Variants in ANO3 observed in about 807,000 individuals in gnomAD.
ANO3 encodes anoctamin 3.
In ANO3, 99 loss-of-function variants were observed where a neutral mutation model predicts 144.8. That is an observed-to-expected ratio of 0.68 (90% CI 0.58 to 0.81). ANO3 has a LOEUF of 0.81. Among genes scored for constraint, ANO3 ranks in the 30% least tolerant of loss-of-function variants. The pLI is 0.00. For missense variants in ANO3, 905 were observed against 1,202.2 expected (o/e 0.75, Z 3.66); for synonymous variants, 414 against 392.6 (o/e 1.05, Z -0.64).
At chr11:26,292,563 G>T (rs569880013) in intron 1 of ANO3, among the ~76,000 whole-genome samples, 1 of 152,244 alleles carries the variant, frequency 6.6e-6, no homozygotes, top group East Asian at 1.9e-4. Context: ...TCTACCTTTC[G>T]TATTTGATGA....
At chr11:26,260,501 A>AT (rs1853161887) in intron 1 of ANO3, among the ~76,000 whole-genome samples, 1 of 152,140 alleles carries the variant, frequency 6.6e-6, no homozygotes, top group Non-Finnish European at 1.5e-5. Context: ...GAATCTCAAG[A>AT]AAGAGATATC....
At chr11:26,247,815 G>A (rs1409158368) in intron 1 of ANO3, among the ~76,000 whole-genome samples, 5 of 135,680 alleles carry the variant, frequency 3.7e-5, no homozygotes, top group Non-Finnish European at 7.6e-5. Flanking sequence ...TGCAACATCT[G>A]CCTCCCAGGT....
At chr11:26,565,325 T>C (rs1850525993) in intron 14 of ANO3, 1 of 1,610,948 alleles carries the variant, frequency 6.2e-7, no homozygotes, top group Non-Finnish European at 8.5e-7. Context: ...GGGTCACAGA[T>C]GGAGAAGTTG....
chr11:26,400,683 A>C (rs1234898463), intron 1 of ANO3, among the ~76,000 whole-genome samples: 2 of 151,810 alleles, frequency 1.3e-5, no homozygotes, highest in Non-Finnish European at 2.9e-5. Flanking sequence ...TAAAGTGAAC[A>C]AAACTTGCAC....
intron 1 of ANO3, among the ~76,000 whole-genome samples, chr11:26,385,214 T>C (rs1856690648): frequency 6.6e-6 from 1 of 152,182 alleles, no homozygotes; most frequent in Non-Finnish European, 1.5e-5. Flanking sequence ...AAAATAAGCA[T>C]ATTAGGAGCT....
chr11:26,242,086 T>C (rs1366278220), intron 1 of ANO3, among the ~76,000 whole-genome samples: 1 of 152,196 alleles, frequency 6.6e-6, no homozygotes, highest in Non-Finnish European at 1.5e-5. Flanking sequence ...GAAAATAGCC[T>C]GAACAAAAGC....
At chr11:26,653,796 C>T (rs1399327331) in intron 24 of ANO3, among the ~76,000 whole-genome samples, 1 of 152,106 alleles carries the variant, frequency 6.6e-6, no homozygotes, top group Non-Finnish European at 1.5e-5. Context: ...ACCCTAAGGA[C>T]TCTACGTGAA....
chr11:26,494,408 T>C (rs764409923), intron 4 of ANO3, among the ~76,000 whole-genome samples: 8 of 152,080 alleles, frequency 5.3e-5, no homozygotes, highest in Non-Finnish European at 1.0e-4. Context: ...TCCATATTAT[T>C]ATCTTTTTGT....
intron 3 of ANO3, among the ~76,000 whole-genome samples, chr11:26,458,345 A>C (rs1313721709): frequency 1.3e-5 from 2 of 152,082 alleles, no homozygotes; most frequent in African/African-American, 4.8e-5. Flanking sequence ...GCTAATACTA[A>C]CTCTAAAAAG....
At chr11:26,264,132 G>C (rs1304339855) in intron 1 of ANO3, among the ~76,000 whole-genome samples, 1 of 152,164 alleles carries the variant, frequency 6.6e-6, no homozygotes, top group African/African-American at 2.4e-5. Context: ...GGTAAGAATA[G>C]ATTTCCTGGA....
At chr11:26,437,188 G>C (rs1046739427) in intron 1 of ANO3, among the ~76,000 whole-genome samples, 12 of 152,166 alleles carry the variant, frequency 7.9e-5, no homozygotes, top group Admixed American at 1.3e-4. Flanking sequence ...TTTCCTAGGG[G>C]TATGTACAAG....
intron 1 of ANO3, among the ~76,000 whole-genome samples, chr11:26,409,052 C>G (rs1481417972): frequency 6.6e-6 from 1 of 151,458 alleles, no homozygotes; most frequent in Non-Finnish European, 1.5e-5. Context: ...GTGCAGCACA[C>G]CAACATGGCA....
intron 1 of ANO3, among the ~76,000 whole-genome samples, chr11:26,363,913 T>C (rs1855994175): frequency 6.6e-6 from 1 of 152,016 alleles, no homozygotes; most frequent in Non-Finnish European, 1.5e-5. Context: ...ACATAAAAGA[T>C]TGTCTTTTCA....
In ANO3 at chr11:26,598,406, C is replaced by T. The variant is rs768245304; in HGVS notation, c.1489C>T (p.Leu497=). 4 of 1,589,114 alleles carry T rather than the reference C, an allele frequency of 2.5e-6. No individual in the cohort carries two copies. The highest frequency in any genetic ancestry group is 3.4e-6 in the Non-Finnish European group (4 of 1,169,096). ...GTTTTGGAAAAGGAGAAGGAGTATA[C>T]TGACCTATACTTGGGACCTTATCGA... is the stretch of plus-strand genomic sequence containing the variant. ...LEFWKRRRSI[L]TYTWDLIEWE... The change falls in exon 15 of 27, where the codon CTG becomes TTG. Residue 497 remains leucine (L), a synonymous_variant. Coordinates refer to ENST00000256737, the MANE Select transcript of ANO3 (RefSeq NM_031418.4).
chr11:26,569,954 TG>T (rs1167679874), intron 14 of ANO3, among the ~76,000 whole-genome samples: 4 of 152,024 alleles, frequency 2.6e-5, no homozygotes, highest in African/African-American at 9.7e-5. Flanking sequence ...TTTTTGCATC[TG>T]GGTGGTAGCT....
chr11:26,391,182 C>G lies in ANO3; in HGVS notation c.47-50736C>G, dbSNP rs147970776. On this transcript the variant is annotated intron_variant, in intron 1 of 26. Transcript: ENST00000256737. ...GTCAAGAAGCTACATCTAATGAGGG[C>G]CTTCTTGTAGGAACTCTCTGCAGAG... is the stretch of plus-strand genomic sequence containing the variant. Among the ~76,000 whole-genome samples, 310 of 152,062 alleles carry G rather than the reference C, an allele frequency of 2.0e-3. 1 individual carries two copies. Among genetic ancestry groups the G allele is most frequent in the African/African-American group, 7.0e-3 (291 of 41,504 alleles).
At chr11:26,525,572 C>T (rs571009442) in intron 6 of ANO3, 63 bp from the exon 7 acceptor site, 5 of 1,299,992 alleles carry the variant, frequency 3.8e-6, no homozygotes, top group South Asian at 3.8e-5. Flanking sequence ...TGAATGTTGT[C>T]ACTCACTCGT....
intron 14 of ANO3, among the ~76,000 whole-genome samples, chr11:26,584,388 A>T (rs1017858823): frequency 6.6e-6 from 1 of 151,926 alleles, no homozygotes; most frequent in African/African-American, 2.4e-5. Context: ...CCAACTCTTG[A>T]CCTCTGGTGA....
chr11:26,314,056 G>A (rs747435155), intron 1 of ANO3, among the ~76,000 whole-genome samples: 13 of 151,990 alleles, frequency 8.6e-5, no homozygotes, highest in Non-Finnish European at 1.3e-4. Context: ...AGTGTTGTGG[G>A]CCCACAATGG....
Sources: gnomAD v4.1 joint callset for allele counts (sites outside exome capture counted in the v4.1 genomes callset) on GRCh38, gnomAD v4.1.1 for gene constraint, MANE v1.5 for transcripts, NCBI Gene and HGNC (gene_info 2026-07-23, HGNC 2026-07-21) for gene names.